CSMD1: variants seen among roughly 807,000 people sequenced by gnomAD.
The protein encoded by CSMD1 is CUB and Sushi multiple domains 1, also known as CUB and sushi domain-containing protein 1.
CSMD1 carries 213 observed loss-of-function variants against 417.5 expected under a neutral mutation model. The ratio of observed to expected loss-of-function variants is 0.51; its 90% CI spans 0.46 to 0.57. CSMD1 has a LOEUF of 0.57. CSMD1 is among the 20% of genes least tolerant of loss of function. CSMD1 has a pLI of 0.00. For synonymous variants in CSMD1, 2,862 were observed against 1,736.8 expected (o/e 1.65, Z -16.11); for missense variants, 6,923 against 4,529.7 (o/e 1.53, Z -15.17).
In CSMD1 at chr8:3,197,505, A is replaced by G. The variant is rs6558728; in HGVS notation, c.5194+2209T>C. Among the ~76,000 whole-genome samples, 938 of 140,846 alleles carry G rather than the reference A, an allele frequency of 6.7e-3. 12 individuals carry two copies. The highest frequency in any genetic ancestry group is 0.023 in the African/African-American group (855 of 37,824). The allele number at this position is 140,846 out of a possible 152,430, so 92.4% of individuals were successfully genotyped here. On this transcript the variant is annotated intron_variant, in intron 33 of 69. Coordinates refer to ENST00000635120, the MANE Select transcript of CSMD1 (RefSeq NM_033225.6). ...TTTTGAGACGGAGTCTCGCTCTGTCACCCAGGCTGGAGTGCAGTGGCGCGA... is the reference window on the plus strand; with the variant it reads ...TTTTGAGACGGAGTCTCGCTCTGTCGCCCAGGCTGGAGTGCAGTGGCGCGA...
Position 3,844,202 on chromosome 8 carries a change from G to T in CSMD1, c.819-90160C>A, listed in dbSNP as rs375092021. Reference sequence around the variant, plus strand: ...TTATTTTTATTTCCTCTTTAAGAAGGGTGTTGAAGAATGAGTCTGGCTTGT... The same window carrying T: ...TTATTTTTATTTCCTCTTTAAGAAGTGTGTTGAAGAATGAGTCTGGCTTGT... On this transcript the variant is annotated intron_variant, in intron 5 of 69. Transcript: ENST00000635120. Among the ~76,000 whole-genome samples the T allele has an allele frequency of 5.9e-5, 9 of 152,238 alleles. No individual in the cohort carries two copies. In the South Asian group the frequency reaches 1.9e-3, roughly 32 times the overall value.
intron 2 of CSMD1, among the ~76,000 whole-genome samples, chr8:4,556,446 C>G (rs998526151): frequency 6.6e-6 from 1 of 152,080 alleles, no homozygotes; most frequent in Non-Finnish European, 1.5e-5. Context: ...ATATCGCATC[C>G]ACACTGTGCT....
intron 2 of CSMD1, among the ~76,000 whole-genome samples, chr8:4,524,404 A>G (rs1019726222): frequency 6.6e-6 from 1 of 152,178 alleles, no homozygotes. Flanking sequence ...AATATACACT[A>G]GTATTCAAGA....
chr8:3,883,043 A>G (rs1049462958), intron 5 of CSMD1, among the ~76,000 whole-genome samples: 1 of 152,170 alleles, frequency 6.6e-6, no homozygotes, highest in Non-Finnish European at 1.5e-5. Flanking sequence ...ACGCCTGAAC[A>G]TATCTAAGAG....
At chr8:4,149,929 T>C (rs538937569) in intron 3 of CSMD1, among the ~76,000 whole-genome samples, 3 of 152,354 alleles carry the variant, frequency 2.0e-5, no homozygotes, top group African/African-American at 7.2e-5. Flanking sequence ...TTTTGTTAAA[T>C]TGTGAACAAC....
chr8:4,625,067 A>G (rs1441524616), intron 2 of CSMD1, among the ~76,000 whole-genome samples: 1 of 152,142 alleles, frequency 6.6e-6, no homozygotes, highest in Non-Finnish European at 1.5e-5. Flanking sequence ...ACATTTTAAA[A>G]CAAAGTGTTC....
intron 12 of CSMD1, among the ~76,000 whole-genome samples, chr8:3,411,929 TACAC>T (rs1563361761): frequency 9.1e-6 from 1 of 109,964 alleles, no homozygotes; most frequent in Non-Finnish European, 1.9e-5. Flanking sequence ...CACGTATATA[TACAC>T]GTATATATGC....
intron 6 of CSMD1, among the ~76,000 whole-genome samples, chr8:3,728,062 G>A (rs934477580): frequency 6.6e-6 from 1 of 152,132 alleles, no homozygotes; most frequent in African/African-American, 2.4e-5. Flanking sequence ...AAAGGGTTTG[G>A]CTATGACAGT....
At chr8:3,148,003 G>C in intron 40 of CSMD1, among the ~76,000 whole-genome samples, 1 of 152,138 alleles carries the variant, frequency 6.6e-6, no homozygotes, top group Non-Finnish European at 1.5e-5. Context: ...ATCCTGGTAA[G>C]ATATTTTTTG....
intron 7 of CSMD1, among the ~76,000 whole-genome samples, chr8:3,664,123 C>T (rs933110843): frequency 2.0e-5 from 3 of 152,124 alleles, no homozygotes; most frequent in Non-Finnish European, 4.4e-5. Context: ...TGTTGGTTTG[C>T]TGCACCCATT....
chr8:3,988,960 G>T (rs1407835393), intron 5 of CSMD1, among the ~76,000 whole-genome samples: 1 of 152,160 alleles, frequency 6.6e-6, no homozygotes, highest in African/African-American at 2.4e-5. Context: ...AAATTTGAAG[G>T]TTATTTGCTG....
At chr8:4,814,495 C>T (rs1418131133) in intron 1 of CSMD1, among the ~76,000 whole-genome samples, 1 of 152,212 alleles carries the variant, frequency 6.6e-6, no homozygotes, top group African/African-American at 2.4e-5. Flanking sequence ...GATCCACCCA[C>T]CTCGGCCTCC....
chr8:3,912,920 A>G (rs1808557751), intron 5 of CSMD1, among the ~76,000 whole-genome samples: 1 of 152,216 alleles, frequency 6.6e-6, no homozygotes, highest in Non-Finnish European at 1.5e-5. Context: ...TATGGTGGTC[A>G]TTCAGGTAAG....
At chr8:3,385,816 G>A (rs904501994) in intron 18 of CSMD1, among the ~76,000 whole-genome samples, 8 of 152,082 alleles carry the variant, frequency 5.3e-5, no homozygotes, top group Middle Eastern at 3.4e-3. Flanking sequence ...TCTTTCATCT[G>A]CTTGGATAAG....
rs534143124 is a variant in CSMD1, at chr8:4,152,048, G to A, written c.416-119949C>T. On this transcript the variant is annotated intron_variant, in intron 3 of 69. Coordinates refer to ENST00000635120, the MANE Select transcript of CSMD1 (RefSeq NM_033225.6). Reference sequence around the variant, plus strand: ...TAGCTCGATACCTTCATTTGACTATGCTTTAATTTTTTTCCCTTTATTAAG... The same window carrying A: ...TAGCTCGATACCTTCATTTGACTATACTTTAATTTTTTTCCCTTTATTAAG... Among the ~76,000 whole-genome samples, 69 of 152,148 alleles carry A rather than the reference G, an allele frequency of 4.5e-4. 1 individual carries two copies. Among genetic ancestry groups the A allele is most frequent in the African/African-American group, 1.4e-3 (59 of 41,508 alleles).
At chr8:4,097,519 T>G (rs1191809999) in intron 3 of CSMD1, among the ~76,000 whole-genome samples, 1 of 152,232 alleles carries the variant, frequency 6.6e-6, no homozygotes, top group Non-Finnish European at 1.5e-5. Flanking sequence ...TTGTTGCCCC[T>G]GGTGTGTTCA....
At chr8:4,956,052 C>G (rs13263613) in intron 1 of CSMD1, among the ~76,000 whole-genome samples, 29,389 of 152,164 alleles carry the variant, frequency 0.19, 3,681 homozygotes, top group Non-Finnish European at 0.28. Flanking sequence ...CCACTTGCTC[C>G]TATCCTGGGG....
chr8:3,670,045 T>G (rs1468051876), intron 7 of CSMD1, among the ~76,000 whole-genome samples: 1 of 152,294 alleles, frequency 6.6e-6, no homozygotes, highest in South Asian at 2.1e-4. Context: ...GTTCCTAGGG[T>G]CTCACAATTT....
chr8:4,946,153 T>C (rs1259373984), intron 1 of CSMD1, among the ~76,000 whole-genome samples: 1 of 152,122 alleles, frequency 6.6e-6, no homozygotes, highest in South Asian at 2.1e-4. Context: ...CAAAAGCAGT[T>C]TCAATTAAAA....
Sources: allele counts gnomAD v4.1 joint callset (sites outside exome capture counted in the v4.1 genomes callset), GRCh38; gene constraint gnomAD v4.1.1; transcripts MANE v1.5; gene names NCBI Gene and HGNC (gene_info 2026-07-23, HGNC 2026-07-21).